Variants in CPVL observed in about 807,000 individuals in gnomAD.
CPVL encodes probable serine carboxypeptidase CPVL.
A neutral mutation model predicts 63.7 loss-of-function variants in CPVL; 51 were observed. That is an observed-to-expected ratio of 0.80 (90% CI 0.64 to 1.01). CPVL has a LOEUF of 1.01. Among genes scored for constraint, CPVL ranks in the 50% least tolerant of loss-of-function variants. The pLI is 0.00. For missense variants in CPVL, 530 were observed against 573.1 expected (o/e 0.92, Z 0.77); for synonymous variants, 195 against 206.0 (o/e 0.95, Z 0.46).
intron 1 of CPVL, among the ~76,000 whole-genome samples, chr7:29,188,139 G>T (rs1441762970): frequency 6.6e-6 from 1 of 152,220 alleles, no homozygotes; most frequent in African/African-American, 2.4e-5. Flanking sequence ...GCAGATGTGA[G>T]CACGCTATAC....
chr7:29,095,669 C>T (rs1562766897), intron 4 of CPVL, among the ~76,000 whole-genome samples: 1 of 151,918 alleles, frequency 6.6e-6, no homozygotes, highest in Non-Finnish European at 1.5e-5. Flanking sequence ...TATCCTTCCT[C>T]CGCCTCAGCC....
At position 28,995,541 on chromosome 7, in the gene CPVL, T is replaced by G. The variant is rs1783975821; in HGVS notation, c.*231A>C. 1.1e-5 allele frequency: 5 copies of G among 449,884 alleles called. No homozygotes were observed. The highest frequency in any genetic ancestry group is 1.9e-5 in the Non-Finnish European group (5 of 258,312). 27.9% of individuals were successfully genotyped at this position (449,884 alleles called of 1,614,324 possible). ...GTCTCAGTGTCACATCATCCATACC[T>G]TTCATCCTTTAAGTTAAATAATGTA... On this transcript the variant is annotated 3_prime_UTR_variant, in exon 13 of 13. Transcript: ENST00000265394.
chr7:29,190,700 C>G (rs184354389), intron 1 of CPVL, among the ~76,000 whole-genome samples: 1 of 152,096 alleles, frequency 6.6e-6, no homozygotes, highest in African/African-American at 2.4e-5. Flanking sequence ...CTTACATGAC[C>G]GTCAAGTTCT....
chr7:29,104,259 C>CTTTT (rs1367536128), intron 3 of CPVL, among the ~76,000 whole-genome samples: 1 of 152,020 alleles, frequency 6.6e-6, no homozygotes, highest in Non-Finnish European at 1.5e-5. Context: ...TTTTCAAAAT[C>CTTTT]TTTTTTGTTT....
chr7:29,037,552 C>CAAAAAAAAAAA (rs35631871), intron 11 of CPVL, among the ~76,000 whole-genome samples: 26 of 56,174 alleles, frequency 4.6e-4, no homozygotes, highest in Non-Finnish European at 5.0e-4. Flanking sequence ...GACTCCATCT[C>CAAAAAAAAAAA]AAAAAAAAAA....
chr7:29,154,753 A>G (rs1182906298), intron 5 of CPVL, among the ~76,000 whole-genome samples: 8 of 152,138 alleles, frequency 5.3e-5, no homozygotes, highest in African/African-American at 1.9e-4. Context: ...GAGAATCTCT[A>G]GAACCCGGAA....
chr7:29,073,360 A>G (rs1266912656), intron 7 of CPVL, among the ~76,000 whole-genome samples: 2 of 152,144 alleles, frequency 1.3e-5, no homozygotes, highest in Non-Finnish European at 2.9e-5. Context: ...CCCCTTCTCC[A>G]TCACATCATC....
At chr7:29,046,799 G>C (rs538921918) in intron 11 of CPVL, among the ~76,000 whole-genome samples, 3 of 152,260 alleles carry the variant, frequency 2.0e-5, no homozygotes, top group South Asian at 4.2e-4. Context: ...AGCTCCTGGA[G>C]ACTGTGGGTT....
rs184933237 is a variant in CPVL, at chr7:29,057,644, G to C, written c.1137+6417C>G. 3.4e-4 allele frequency among the ~76,000 whole-genome samples: 51 copies of C among 152,094 alleles called. 2 individuals carry two copies. The highest frequency in any genetic ancestry group is 3.2e-3 in the Admixed American group (49 of 15,278). On this transcript the variant is annotated intron_variant, in intron 11 of 12. Transcript: ENST00000265394. Reference sequence around the variant, plus strand: ...TTATAGTTTTATGTTTTACCTTTAGGTCTACAATCCATTCAGAGAACATTT... The same window carrying C: ...TTATAGTTTTATGTTTTACCTTTAGCTCTACAATCCATTCAGAGAACATTT...
chr7:29,056,886 G>T (rs936132734), intron 11 of CPVL, among the ~76,000 whole-genome samples: 1 of 151,112 alleles, frequency 6.6e-6, no homozygotes, highest in African/African-American at 2.4e-5. Context: ...TCTGGAAGTG[G>T]TATCTCATGG....
intron 11 of CPVL, among the ~76,000 whole-genome samples, chr7:29,049,941 G>A (rs748194674): frequency 1.4e-4 from 22 of 152,140 alleles, no homozygotes; most frequent in Non-Finnish European, 2.8e-4. Flanking sequence ...AACAGATGCA[G>A]AAAAAGCATT....
chr7:29,159,414 G>A (rs957168129), intron 5 of CPVL, among the ~76,000 whole-genome samples: 2 of 152,170 alleles, frequency 1.3e-5, no homozygotes, highest in African/African-American at 4.8e-5. Flanking sequence ...TAATGTTTTG[G>A]ATGGCAGTAT....
At chr7:29,159,884 A>G (rs1794943877) in intron 5 of CPVL, among the ~76,000 whole-genome samples, 1 of 152,262 alleles carries the variant, frequency 6.6e-6, no homozygotes, top group Non-Finnish European at 1.5e-5. Context: ...AGTGCCTGAC[A>G]TAAAATAATG....
At chr7:29,082,017 T>C (rs1784770540) in intron 7 of CPVL, among the ~76,000 whole-genome samples, 1 of 152,218 alleles carries the variant, frequency 6.6e-6, no homozygotes, top group Non-Finnish European at 1.5e-5. Context: ...CAGAAAACCA[T>C]TTCTGAATTT....
At chr7:29,010,878 T>G (rs2128134569) in intron 12 of CPVL, 1 of 152,270 alleles carries the variant, frequency 6.6e-6, no homozygotes, top group African/African-American at 2.4e-5. Flanking sequence ...TGGGTGATAA[T>G]ATTATCCCCA....
chr7:29,175,006 T>C (rs1367812793), intron 5 of CPVL, among the ~76,000 whole-genome samples: 4 of 152,126 alleles, frequency 2.6e-5, no homozygotes, highest in African/African-American at 9.7e-5. Context: ...GATAATGATA[T>C]GGTTTGGCTG....
chr7:29,188,109 T>C (rs2128751004), intron 1 of CPVL, among the ~76,000 whole-genome samples: 1 of 152,334 alleles, frequency 6.6e-6, no homozygotes, highest in East Asian at 1.9e-4. Context: ...ACTTTAATTC[T>C]CACAGATTAC....
At chr7:29,130,381 A>G (rs1014147674) in intron 1 of CPVL, among the ~76,000 whole-genome samples, 2 of 152,214 alleles carry the variant, frequency 1.3e-5, no homozygotes, top group Non-Finnish European at 2.9e-5. Context: ...ATTCTGTATT[A>G]TATTAACAGA....
chr7:29,062,045 C>T (rs775404976), intron 11 of CPVL, among the ~76,000 whole-genome samples: 1 of 152,054 alleles, frequency 6.6e-6, no homozygotes, highest in Non-Finnish European at 1.5e-5. Flanking sequence ...AAAATTCACT[C>T]GTTCCATTCC....
Sources: allele counts gnomAD v4.1 joint callset (sites outside exome capture counted in the v4.1 genomes callset), GRCh38; gene constraint gnomAD v4.1.1; transcripts MANE v1.5; gene names NCBI Gene and HGNC (gene_info 2026-07-23, HGNC 2026-07-21).